SLC13A1: variants seen among roughly 807,000 people sequenced by gnomAD.
SLC13A1 encodes the protein solute carrier family 13 member 1.
A neutral mutation model predicts 70.0 loss-of-function variants in SLC13A1; 65 were observed. That is an observed-to-expected ratio of 0.93 (90% CI 0.76 to 1.14). The LOEUF (loss-of-function observed/expected upper bound fraction) is 1.14, where lower values mean the gene tolerates loss of function less well. Among genes scored for constraint, SLC13A1 ranks in the 50% most tolerant of loss-of-function variants. The pLI is 0.00. For missense variants in SLC13A1, 726 were observed against 717.8 expected, an observed-to-expected ratio of 1.01 and a Z score of -0.13; for synonymous variants, 275 against 250.5, an observed-to-expected ratio of 1.10 and a Z score of -0.92.
At chr7:123,159,054 A>G (rs1265340822) in intron 6 of SLC13A1, among the ~76,000 whole-genome samples, 2 of 152,076 alleles carry the variant, frequency 1.3e-5, no homozygotes, top group South Asian at 2.1e-4. Context: ...AAATAATACA[A>G]TTATGTAATT....
intron 4 of SLC13A1, 40 bp downstream of exon 4, chr7:123,169,108 A>T: frequency 6.3e-7 from 1 of 1,585,882 alleles, no homozygotes; most frequent in Non-Finnish European, 8.7e-7. Flanking sequence ...CTATTGCTCT[A>T]ATGACTAGAC....
In SLC13A1 at chr7:123,119,008, C is replaced by T. The variant is rs1793274303; in HGVS notation, c.1512+73G>A. 11 of 1,368,454 alleles carry T rather than the reference C, an allele frequency of 8.0e-6. No homozygotes were observed. The Admixed American group carries it at 1.6e-4, about 20-fold the overall frequency. 84.8% of individuals were successfully genotyped at this position (1,368,454 alleles called of 1,614,324 possible). On this transcript the variant is annotated intron_variant, in intron 13 of 14. Transcript: ENST00000194130. ...GACCAAAAGAGATTCCATACCACAA[C>T]ATGAAAACCAGCATTCCGAAGCAGA...
chr7:123,131,977 G>A (rs1052966488), intron 8 of SLC13A1, among the ~76,000 whole-genome samples: 3 of 152,104 alleles, frequency 2.0e-5, no homozygotes, highest in African/African-American at 7.2e-5. Flanking sequence ...ATTAAATGTA[G>A]CAATGAAGAA....
intron 8 of SLC13A1, among the ~76,000 whole-genome samples, chr7:123,129,729 A>G (rs908920224): frequency 6.6e-6 from 1 of 151,830 alleles, no homozygotes; most frequent in Non-Finnish European, 1.5e-5. Context: ...TTCATTGCAT[A>G]TTTTCCATGA....
chr7:123,138,188 T>C (rs2116362311), intron 7 of SLC13A1, among the ~76,000 whole-genome samples: 1 of 152,322 alleles, frequency 6.6e-6, no homozygotes, highest in East Asian at 1.9e-4. Context: ...GGACCTGGTT[T>C]ATTTCACTTA....
At chr7:123,184,411 T>C (rs1254742627) in intron 1 of SLC13A1, among the ~76,000 whole-genome samples, 1 of 152,106 alleles carries the variant, frequency 6.6e-6, no homozygotes, top group Non-Finnish European at 1.5e-5. Flanking sequence ...TCTTTAACCC[T>C]GACACCTGAT....
chr7:123,178,982 A>G (rs925298930), intron 2 of SLC13A1, among the ~76,000 whole-genome samples: 1 of 152,046 alleles, frequency 6.6e-6, no homozygotes, highest in Non-Finnish European at 1.5e-5. Flanking sequence ...ATTTACATTT[A>G]TTAACTCATT....
Position 123,178,033 on chromosome 7 carries a change from C to CTCTCTCTCTCTA in SLC13A1, c.228+2939_228+2940insTAGAGAGAGAGA, listed in dbSNP as rs761704605. The stretch of plus-strand genomic sequence containing the variant: ...TCTCTCTCTTTCTCTCTCTCTCTCT[C>CTCTCTCTCTCTA]TATATATATATATATATCTCCATAC... On this transcript the variant is annotated intron_variant, in intron 2 of 14. Transcript: ENST00000194130. Among the ~76,000 whole-genome samples, 1,108 of 150,014 alleles carry CTCTCTCTCTCTA rather than the reference C, an allele frequency of 7.4e-3. 16 individuals are homozygous for CTCTCTCTCTCTA. Among genetic ancestry groups the CTCTCTCTCTCTA allele is most frequent in the African/African-American group, 0.026 (1,063 of 40,704 alleles).
At chr7:123,182,787 A>G (rs1474791214) in intron 1 of SLC13A1, among the ~76,000 whole-genome samples, 2 of 152,112 alleles carry the variant, frequency 1.3e-5, no homozygotes, top group African/African-American at 4.8e-5. Flanking sequence ...GCAAAATTTC[A>G]ATAATCACAT....
At position 123,169,352 on chromosome 7, in the gene SLC13A1, A is replaced by G. The variant is rs2116548414; in HGVS notation, c.366-17T>C. 1 of 1,608,366 alleles carries G rather than the reference A, an allele frequency of 6.2e-7. No individual in the cohort carries two copies. Among genetic ancestry groups the G allele is most frequent in the East Asian group, 2.2e-5 (1 of 44,860 alleles). On this transcript the variant is annotated splice_polypyrimidine_tract_variant and intron_variant, in intron 3 of 14. Coordinates refer to ENST00000194130, the MANE Select transcript of SLC13A1 (RefSeq NM_022444.4). ...AGCGTCAGCCTGAAACCAGAGAGCC[A>G]TTATTGTGGAGCTGTGCTCTTAGCT...
At chr7:123,170,934 G>A (rs143173212) in intron 3 of SLC13A1, among the ~76,000 whole-genome samples, 2 of 149,652 alleles carry the variant, frequency 1.3e-5, no homozygotes, top group African/African-American at 4.9e-5. Context: ...AAAAAAAATT[G>A]AAAATTTGTC....
chr7:123,119,576 C>T (rs1793305111), intron 12 of SLC13A1, among the ~76,000 whole-genome samples: 1 of 151,710 alleles, frequency 6.6e-6, no homozygotes, highest in African/African-American at 2.4e-5. Flanking sequence ...TTCTGATTCA[C>T]CTCTCTCTAT....
At chr7:123,180,385 G>A (rs1795598989) in intron 2 of SLC13A1, among the ~76,000 whole-genome samples, 1 of 152,122 alleles carries the variant, frequency 6.6e-6, no homozygotes. Flanking sequence ...GGTTTAGACA[G>A]TTGTTCACTG....
intron 1 of SLC13A1, among the ~76,000 whole-genome samples, chr7:123,195,311 A>G (rs1426590967): frequency 1.3e-5 from 2 of 151,994 alleles, no homozygotes; most frequent in South Asian, 2.1e-4. Context: ...TTTCTTCTTT[A>G]TCTTAAATCC....
At chr7:123,164,425 A>T (rs1370403846) in intron 6 of SLC13A1, among the ~76,000 whole-genome samples, 1 of 151,946 alleles carries the variant, frequency 6.6e-6, no homozygotes, top group Non-Finnish European at 1.5e-5. Context: ...ATTAGTAAAG[A>T]GATTTTAATT....
chr7:123,196,408 A>G (rs879302180), intron 1 of SLC13A1, among the ~76,000 whole-genome samples: 3 of 152,154 alleles, frequency 2.0e-5, no homozygotes, highest in Admixed American at 2.0e-4. Context: ...CACGGAAGCT[A>G]TAAAGACACA....
intron 7 of SLC13A1, among the ~76,000 whole-genome samples, chr7:123,137,893 A>G (rs866101226): frequency 6.6e-6 from 1 of 152,168 alleles, no homozygotes; most frequent in African/African-American, 2.4e-5. Flanking sequence ...CATCCTCTCA[A>G]GCATTTATCC....
chr7:123,169,714 G>A (rs1795201122), intron 3 of SLC13A1, among the ~76,000 whole-genome samples: 1 of 152,106 alleles, frequency 6.6e-6, no homozygotes, highest in Non-Finnish European at 1.5e-5. Context: ...CTATTAAGAC[G>A]AAACTGCAAT....
chr7:123,191,771 G>A (rs754926335), intron 1 of SLC13A1, among the ~76,000 whole-genome samples: 6 of 152,062 alleles, frequency 3.9e-5, no homozygotes, highest in Non-Finnish European at 5.9e-5. Context: ...CTGAACTAAG[G>A]TTCAACGATC....
Sources: gnomAD v4.1 joint callset for allele counts (sites outside exome capture counted in the v4.1 genomes callset) on GRCh38, gnomAD v4.1.1 for gene constraint, MANE v1.5 for transcripts, NCBI Gene and HGNC (gene_info 2026-07-23, HGNC 2026-07-21) for gene names.